Variants in KCNMA1 observed in about 807,000 individuals in gnomAD.
The protein encoded by KCNMA1 is potassium calcium-activated channel subfamily M alpha 1, also known as Calcium-activated potassium channel subunit alpha-1.
KCNMA1 carries 29 observed loss-of-function variants against 140.0 expected under a neutral mutation model. The observed-to-expected ratio is 0.21, with a 90% CI of 0.15 to 0.28. The LOEUF is 0.28. Ranked by LOEUF, KCNMA1 falls within the 10% of genes least tolerant of loss-of-function variation. KCNMA1 has a pLI of 1.00. For synonymous variants in KCNMA1, 612 were observed against 611.9 expected (o/e 1.00, Z 0.00); for missense variants, 880 against 1,602.2 (o/e 0.55, Z 7.70).
chr10:77,184,827 A>C lies in KCNMA1; in HGVS notation c.692T>G (p.Leu231Trp). ...FNVFFLLYFG[L>W]RFIAANDKLW... is the part of the protein sequence containing the mutation. ...AACAATGTTGCACAAACTTACCCGCAAGCCGAAGTAGAGAAGGAAGAACAC... is the reference window on the plus strand; with the variant it reads ...AACAATGTTGCACAAACTTACCCGCCAGCCGAAGTAGAGAAGGAAGAACAC... Residue 231 changes from leucine (L) to tryptophan (W), a missense_variant, in exon 4 of 28, where the codon TTG (leucine) becomes TGG (tryptophan). This residue lies in a region of KCNMA1 where 198 missense variants were observed against 580.1 expected (regional missense o/e 0.34). Transcript: ENST00000286628. 6.2e-7 allele frequency: 1 copy of C among 1,601,418 alleles called. No homozygotes were observed. The highest frequency in any genetic ancestry group is 8.6e-7 in the Non-Finnish European group (1 of 1,168,692).
At chr10:77,120,661 T>C (rs1405740797) in intron 6 of KCNMA1, among the ~76,000 whole-genome samples, 1 of 152,146 alleles carries the variant, frequency 6.6e-6, no homozygotes, top group Non-Finnish European at 1.5e-5. Context: ...TGTGCACCTT[T>C]CCCCTTGACA....
chr10:77,526,605 C>T (rs1237409308), intron 1 of KCNMA1, among the ~76,000 whole-genome samples: 1 of 152,214 alleles, frequency 6.6e-6, no homozygotes, highest in Non-Finnish European at 1.5e-5. Context: ...TTGCCCTTCT[C>T]CATGGAGACG....
At chr10:77,239,509 C>T (rs1439967096) in intron 3 of KCNMA1, among the ~76,000 whole-genome samples, 1 of 152,188 alleles carries the variant, frequency 6.6e-6, no homozygotes, top group Non-Finnish European at 1.5e-5. Flanking sequence ...GTAGATTCCA[C>T]CATCAGAGGT....
At chr10:76,964,197 A>T (rs994645298) in intron 20 of KCNMA1, among the ~76,000 whole-genome samples, 7 of 151,476 alleles carry the variant, frequency 4.6e-5, no homozygotes, top group Non-Finnish European at 8.8e-5. Context: ...CACACTGACA[A>T]AACTCTCAGG....
intron 1 of KCNMA1, among the ~76,000 whole-genome samples, chr10:77,617,725 A>G (rs2090069846): frequency 6.6e-6 from 1 of 152,228 alleles, no homozygotes; most frequent in Non-Finnish European, 1.5e-5. Context: ...TACAGATAGT[A>G]TCTACATCAT....
intron 25 of KCNMA1, among the ~76,000 whole-genome samples, chr10:76,895,320 T>C (rs1221246727): frequency 6.6e-6 from 1 of 152,196 alleles, no homozygotes; most frequent in African/African-American, 2.4e-5. Flanking sequence ...ACTCGGTGTC[T>C]GAGGAGTTTT....
chr10:76,908,958 G>A (rs1455121651), intron 25 of KCNMA1, among the ~76,000 whole-genome samples: 3 of 152,240 alleles, frequency 2.0e-5, no homozygotes, highest in African/African-American at 4.8e-5. Context: ...TTTTTTAATC[G>A]TTATTTGTTT....
chr10:77,625,127 C>T (rs1166018427), intron 1 of KCNMA1, among the ~76,000 whole-genome samples: 2 of 152,202 alleles, frequency 1.3e-5, no homozygotes, highest in Non-Finnish European at 2.9e-5. Flanking sequence ...GGCACAGTGG[C>T]TCACGCCTGT....
At chr10:77,494,477 G>C (rs2041130650) in intron 1 of KCNMA1, among the ~76,000 whole-genome samples, 3 of 152,214 alleles carry the variant, frequency 2.0e-5, no homozygotes, top group Admixed American at 1.3e-4. Context: ...GGGATGAAAA[G>C]GGTAGAGTCC....
chr10:77,363,120 A>AT (rs59354140), intron 2 of KCNMA1, among the ~76,000 whole-genome samples: 68,064 of 151,006 alleles, frequency 0.45, 15,576 homozygotes, highest in East Asian at 0.6. Flanking sequence ...AATTATTATT[A>AT]TTTTTTTTTT....
chr10:77,636,265 G>C (rs2093712247), intron 1 of KCNMA1: 1 of 1,444,622 alleles, frequency 6.9e-7, no homozygotes, highest in African/African-American at 1.4e-5. Context: ...ACTCCAGCCA[G>C]TGGCTGTGGG....
At chr10:76,941,018 G>GAAGGAAGAAAGAAAGAAAGA (rs1554960623) in intron 23 of KCNMA1, among the ~76,000 whole-genome samples, 64 of 38,236 alleles carry the variant, frequency 1.7e-3, no homozygotes, top group African/African-American at 3.8e-3. Context: ...AGGAAGGAAG[G>GAAGGAAGAAAGAAAGAAAGA]AAGAAAGAAA....
At chr10:77,355,474 T>C (rs1318617825) in intron 2 of KCNMA1, among the ~76,000 whole-genome samples, 5 of 152,146 alleles carry the variant, frequency 3.3e-5, no homozygotes, top group Admixed American at 3.3e-4. Flanking sequence ...CTCTCAGGTC[T>C]TGCTGAAAGT....
At chr10:77,598,163 G>A (rs1318248434) in intron 1 of KCNMA1, among the ~76,000 whole-genome samples, 1 of 152,090 alleles carries the variant, frequency 6.6e-6, no homozygotes, top group Non-Finnish European at 1.5e-5. Context: ...TAGAGACAGG[G>A]TTTCACCATG....
chr10:77,413,334 C>G (rs982826081), intron 1 of KCNMA1, among the ~76,000 whole-genome samples: 3 of 152,062 alleles, frequency 2.0e-5, no homozygotes, highest in African/African-American at 7.2e-5. Flanking sequence ...TTCACCAGCC[C>G]CGAATGCTGG....
At chr10:77,146,461 G>A (rs1475314512) in intron 5 of KCNMA1, among the ~76,000 whole-genome samples, 1 of 152,114 alleles carries the variant, frequency 6.6e-6, no homozygotes, top group African/African-American at 2.4e-5. Flanking sequence ...AGCACTTTGG[G>A]AGGCCAAGGC....
At chr10:77,020,260 C>A (rs1466658929) in intron 16 of KCNMA1, 4 of 152,118 alleles carry the variant, frequency 2.6e-5, no homozygotes, top group Non-Finnish European at 4.4e-5. Flanking sequence ...ACTGATAAAC[C>A]ATTCCAGAGA....
At chr10:77,338,518 C>T (rs1051765043) in intron 2 of KCNMA1, among the ~76,000 whole-genome samples, 2 of 152,192 alleles carry the variant, frequency 1.3e-5, no homozygotes, top group African/African-American at 4.8e-5. Context: ...TCTTCTCCAG[C>T]AGGTGCTGCC....
chr10:77,209,831 C>A (rs971133665), intron 3 of KCNMA1, among the ~76,000 whole-genome samples: 1 of 151,328 alleles, frequency 6.6e-6, no homozygotes, highest in Admixed American at 6.6e-5. Context: ...TGGAAACACA[C>A]AACCTCCCAA....
Sources: gnomAD v4.1 joint callset for allele counts (sites outside exome capture counted in the v4.1 genomes callset) on GRCh38, gnomAD v4.1.1 for gene constraint, gnomAD v4.1.1 regional missense constraint, MANE v1.5 for transcripts, NCBI Gene and HGNC (gene_info 2026-07-23, HGNC 2026-07-21) for gene names.